Variants in UGCG observed in about 807,000 individuals in gnomAD.
The protein encoded by UGCG is UDP-glucose ceramide glucosyltransferase, also known as ceramide glucosyltransferase.
In UGCG, 10 loss-of-function variants were observed where a neutral mutation model predicts 49.5. The ratio of observed to expected loss-of-function variants is 0.20; its 90% CI spans 0.12 to 0.34. The LOEUF is 0.34. UGCG is among the 10% of genes least tolerant of loss of function. UGCG has a pLI of 1.00. For missense variants in UGCG, 312 were observed against 483.7 expected, an observed-to-expected ratio of 0.65 and a Z score of 3.33; for synonymous variants, 182 against 158.2, an observed-to-expected ratio of 1.15 and a Z score of -1.13.
intron 1 of UGCG, among the ~76,000 whole-genome samples, chr9:111,911,636 G>T (rs1003451115): frequency 6.6e-6 from 1 of 151,894 alleles, no homozygotes; most frequent in Admixed American, 6.6e-5. Flanking sequence ...GGTGGCTCAT[G>T]CCTGTAATCC....
chr9:111,922,108 C>T (rs925881448), intron 2 of UGCG, among the ~76,000 whole-genome samples: 1 of 151,108 alleles, frequency 6.6e-6, no homozygotes, highest in African/African-American at 2.4e-5. Flanking sequence ...CCACCGTGCC[C>T]AGCCCCAGGG....
intron 1 of UGCG, among the ~76,000 whole-genome samples, chr9:111,905,432 C>G (rs1837862569): frequency 6.6e-6 from 1 of 151,906 alleles, no homozygotes; most frequent in African/African-American, 2.4e-5. Context: ...CTTTGATCCC[C>G]ACTTTTAGTC....
At chr9:111,929,760 G>T in intron 6 of UGCG, 82 bp downstream of exon 6, 1 of 1,486,374 alleles carries the variant, frequency 6.7e-7, no homozygotes, top group South Asian at 1.3e-5. Context: ...TATAGATTAG[G>T]GCTTTTTAAT....
chr9:111,906,119 C>T (rs1348582254), intron 1 of UGCG, among the ~76,000 whole-genome samples: 1 of 152,152 alleles, frequency 6.6e-6, no homozygotes, highest in Non-Finnish European at 1.5e-5. Context: ...GTGATCTCTA[C>T]CTGTGGGCAT....
At chr9:111,911,977 TTCAACAGGATAC>T (rs1838015653) in intron 1 of UGCG, among the ~76,000 whole-genome samples, 4 of 130,188 alleles carry the variant, frequency 3.1e-5, no homozygotes, top group Non-Finnish European at 6.6e-5. Context: ...TATATATATA[TTCAACAGGATAC>T]ATATATATAT....
Position 111,897,101 on chromosome 9 carries a change from A to G in UGCG, c.-115A>G, listed in dbSNP as rs538512226. On this transcript the variant is annotated 5_prime_UTR_variant, in exon 1 of 9. Transcript: ENST00000374279. ...CCCCCCTCCGCCCTTTCCTCTCCCC[A>G]CCTTCCTCTCGCCTCCCGCGCCCCC... 0.045 allele frequency: 10,699 copies of G among 239,732 alleles called. 144 individuals carry two copies. Among genetic ancestry groups the G allele is most frequent in the South Asian group, 0.059 (1,208 of 20,592 alleles). The allele number at this position is 239,732 out of a possible 1,614,324, so 14.9% of individuals were successfully genotyped here. A position where few individuals can be genotyped will look rare whatever the true frequency, so the allele number is the denominator to read the frequency against.
intron 1 of UGCG, among the ~76,000 whole-genome samples, chr9:111,909,765 C>T (rs1192857728): frequency 6.6e-6 from 1 of 152,170 alleles, no homozygotes; most frequent in Non-Finnish European, 1.5e-5. Flanking sequence ...TTTTGACAAA[C>T]ATTTCAAGTA....
intron 1 of UGCG, among the ~76,000 whole-genome samples, chr9:111,910,676 A>G (rs1370881250): frequency 1.3e-5 from 2 of 152,244 alleles, no homozygotes; most frequent in African/African-American, 2.4e-5. Context: ...TTGTTCAGGT[A>G]CACAGGGAGG....
chr9:111,912,726 C>G (rs916454980), intron 1 of UGCG, among the ~76,000 whole-genome samples: 2 of 152,178 alleles, frequency 1.3e-5, no homozygotes, highest in African/African-American at 4.8e-5. Flanking sequence ...AATTGTTTCT[C>G]ACTTGCAAAC....
At chr9:111,929,863 G>C (rs972661656) in intron 6 of UGCG, among the ~76,000 whole-genome samples, 185 bp downstream of exon 6, 1 of 152,084 alleles carries the variant, frequency 6.6e-6, no homozygotes, top group Non-Finnish European at 1.5e-5. Flanking sequence ...CTGTCACCTA[G>C]GCTGGAGTGC....
At position 111,931,314 on chromosome 9, in the gene UGCG, T is replaced by G; in HGVS notation, c.781T>G (p.Ser261Ala). The stretch of plus-strand genomic sequence containing the variant: ...GTCCACTCAAGTTGCAATGCAAAAC[T>G]CTGGCTCATATTCAATTTCTCAGTT... ...AMSTQVAMQN[S>A]GSYSISQFQS... The change falls in exon 7 of 9, where the codon TCT becomes GCT. Residue 261 changes from serine to alanine, a missense_variant. This residue lies in a region of UGCG where 180 missense variants were observed against 320.4 expected (regional missense o/e 0.56). Transcript: ENST00000374279. 6.2e-7 allele frequency: 1 copy of G among 1,613,998 alleles called. No homozygotes were observed. Among genetic ancestry groups the G allele is most frequent in the Non-Finnish European group, 8.5e-7 (1 of 1,180,012 alleles).
At chr9:111,910,881 G>A (rs1837984223) in intron 1 of UGCG, among the ~76,000 whole-genome samples, 1 of 152,044 alleles carries the variant, frequency 6.6e-6, no homozygotes, top group South Asian at 2.1e-4. Context: ...AAGTAGCTGG[G>A]ACCACAGGTG....
intron 3 of UGCG, among the ~76,000 whole-genome samples, chr9:111,923,396 C>G (rs1247103054): frequency 6.7e-6 from 1 of 150,294 alleles, no homozygotes; most frequent in Non-Finnish European, 1.5e-5. Flanking sequence ...CTGATGTGGT[C>G]TCTCTAAAAA....
chr9:111,922,615 T>C (rs1388280252), intron 2 of UGCG, among the ~76,000 whole-genome samples: 7 of 152,222 alleles, frequency 4.6e-5, no homozygotes, highest in Non-Finnish European at 1.0e-4. Context: ...TTGTGGGCAC[T>C]GCCAGTCTCT....
intron 4 of UGCG, among the ~76,000 whole-genome samples, chr9:111,925,654 CT>C (rs1391259659): frequency 6.6e-6 from 1 of 152,148 alleles, no homozygotes; most frequent in Non-Finnish European, 1.5e-5. Context: ...TACAACTTTT[CT>C]TTATACGGTA....
At chr9:111,897,346 A>G in intron 1 of UGCG, 33 bp downstream of exon 1, 1 of 1,514,656 alleles carries the variant, frequency 6.6e-7, no homozygotes, top group Non-Finnish European at 8.9e-7. Context: ...GGCTCGGGGC[A>G]GGGGTCCGGG....
intron 1 of UGCG, among the ~76,000 whole-genome samples, chr9:111,903,189 G>T (rs1463206804): frequency 3.9e-5 from 6 of 152,042 alleles, no homozygotes; most frequent in African/African-American, 1.5e-4. Flanking sequence ...ACCTTTACCT[G>T]TCTCCAGTGG....
At position 111,917,212 on chromosome 9, in the gene UGCG, C is replaced by T. The variant is rs183530054; in HGVS notation, c.240+2466C>T. ...CAGAATTTTATTTTCTAATTATAAA[C>T]TTATATTTAGCTGTATAAATAGAAA... On this transcript the variant is annotated intron_variant, in intron 2 of 8. Transcript: ENST00000374279. Among the ~76,000 whole-genome samples, 656 of 152,174 alleles carry T rather than the reference C, an allele frequency of 4.3e-3. 8 individuals carry two copies. Among genetic ancestry groups the T allele is most frequent in the East Asian group, 0.038 (198 of 5,184 alleles).
intron 1 of UGCG, among the ~76,000 whole-genome samples, chr9:111,906,219 A>G (rs151029015): frequency 7.2e-5 from 11 of 152,242 alleles, no homozygotes; most frequent in South Asian, 6.2e-4. Context: ...CGTATGTTCA[A>G]AAGTTCATTA....
Sources: allele counts gnomAD v4.1 joint callset (sites outside exome capture counted in the v4.1 genomes callset), GRCh38; gene constraint gnomAD v4.1.1; regional missense constraint gnomAD v4.1.1; transcripts MANE v1.5; gene names NCBI Gene and HGNC (gene_info 2026-07-23, HGNC 2026-07-21).